The following ZFHX3 variants were observed in gnomAD, a reference collection of about 807,000 sequenced individuals.
The protein encoded by ZFHX3 is zinc finger homeobox 3, also known as zinc finger homeobox protein 3.
In ZFHX3, 42 loss-of-function variants were observed where a neutral mutation model predicts 279.1. The observed-to-expected ratio is 0.15, with a 90% CI of 0.12 to 0.19. The LOEUF is 0.19. Ranked by LOEUF, ZFHX3 falls within the 10% of genes least tolerant of loss-of-function variation. The probability of loss-of-function intolerance (pLI) is 1.00; values close to 1 mark genes in which losing one functional copy is unlikely to be tolerated. For synonymous variants in ZFHX3, 2,293 were observed against 1,957.8 expected, an observed-to-expected ratio of 1.17 and a Z score of -4.52; for missense variants, 4,981 against 4,754.0, an observed-to-expected ratio of 1.05 and a Z score of -1.40.
intron 2 of ZFHX3, among the ~76,000 whole-genome samples, chr16:73,641,196 T>C (rs2052569962): frequency 6.6e-6 from 1 of 152,098 alleles, no homozygotes; most frequent in Non-Finnish European, 1.5e-5. Context: ...ACCAGTGAAG[T>C]ATGCTAACAA....
intron 3 of ZFHX3, among the ~76,000 whole-genome samples, chr16:73,427,081 G>C (rs1335375869): frequency 6.6e-6 from 1 of 151,768 alleles, no homozygotes; most frequent in Admixed American, 6.6e-5. Context: ...GAAAGAGTTA[G>C]GCAGCAATAT....
intron 5 of ZFHX3, among the ~76,000 whole-genome samples, chr16:73,149,199 T>C (rs1966885635): frequency 6.8e-6 from 1 of 147,964 alleles, no homozygotes; most frequent in Non-Finnish European, 1.5e-5. Context: ...TACTTTATAT[T>C]ATATTTTATC....
intron 5 of ZFHX3, among the ~76,000 whole-genome samples, chr16:73,175,392 A>ACAAG (rs1967639549): frequency 6.6e-6 from 1 of 151,282 alleles, no homozygotes; most frequent in Admixed American, 6.6e-5. Context: ...AAACAAACAA[A>ACAAG]CAAACAAACA....
chr16:73,728,974 C>T (rs1049707396), intron 1 of ZFHX3, among the ~76,000 whole-genome samples: 1 of 152,096 alleles, frequency 6.6e-6, no homozygotes, highest in African/African-American at 2.4e-5. Context: ...CACTGCCTTC[C>T]TCCTCTCCTC....
chr16:72,953,400 A>G (rs556111339), intron 2 of ZFHX3, among the ~76,000 whole-genome samples: 1 of 152,300 alleles, frequency 6.6e-6, no homozygotes, highest in East Asian at 1.9e-4. Context: ...AACTGCCCGG[A>G]GGGTAAGACA....
chr16:73,369,127 T>C (rs150196571), intron 3 of ZFHX3, among the ~76,000 whole-genome samples: 28 of 152,348 alleles, frequency 1.8e-4, no homozygotes, highest in Non-Finnish European at 3.7e-4. Context: ...TATTTTCTAT[T>C]GTCATTATTG....
intron 4 of ZFHX3, among the ~76,000 whole-genome samples, chr16:72,845,091 G>C (rs77701645): frequency 0.018 from 2,790 of 152,252 alleles, 135 homozygotes; most frequent in East Asian, 0.14. Context: ...GCGGAAAAGA[G>C]GGCAAGGTGC....
intron 2 of ZFHX3, among the ~76,000 whole-genome samples, chr16:73,477,864 A>G (rs1292958779): frequency 1.3e-5 from 2 of 152,226 alleles, no homozygotes; most frequent in East Asian, 3.8e-4. Context: ...CTGAACTAGC[A>G]TCTCACACAC....
chr16:73,587,771 TATC>T (rs2051942833), intron 2 of ZFHX3, among the ~76,000 whole-genome samples: 1 of 152,238 alleles, frequency 6.6e-6, no homozygotes, highest in South Asian at 2.1e-4. Context: ...AAATGAAATA[TATC>T]ATGTAATAGT....
chr16:72,822,650 A>C (rs2036824363), intron 5 of ZFHX3, among the ~76,000 whole-genome samples: 1 of 152,208 alleles, frequency 6.6e-6, no homozygotes, highest in Non-Finnish European at 1.5e-5. Flanking sequence ...ATAATATGCA[A>C]ATCTATAAGG....
At chr16:73,767,349 G>A (rs1048417769) in intron 1 of ZFHX3, among the ~76,000 whole-genome samples, 5 of 152,250 alleles carry the variant, frequency 3.3e-5, no homozygotes, top group Middle Eastern at 3.4e-3. Context: ...CTCAGCAGAA[G>A]AATCTTCTCT....
chr16:73,070,806 G>T (rs1025942286), intron 8 of ZFHX3, among the ~76,000 whole-genome samples: 1 of 150,466 alleles, frequency 6.6e-6, no homozygotes, highest in Non-Finnish European at 1.5e-5. Flanking sequence ...TCCAGCGCCC[G>T]GTCCCCTCCC....
intron 1 of ZFHX3, among the ~76,000 whole-genome samples, chr16:73,866,661 G>T (rs1004671692): frequency 6.6e-6 from 1 of 152,176 alleles, no homozygotes; most frequent in Non-Finnish European, 1.5e-5. Flanking sequence ...TTTGATTCTT[G>T]GAGTTAATTC....
intron 1 of ZFHX3, among the ~76,000 whole-genome samples, chr16:73,014,083 A>T (rs544183334): frequency 1.3e-5 from 2 of 152,142 alleles, no homozygotes; most frequent in African/African-American, 4.8e-5. Flanking sequence ...CAGGCAGAAG[A>T]AGGAGATGTA....
intron 5 of ZFHX3, among the ~76,000 whole-genome samples, chr16:73,245,887 C>A (rs910516884): frequency 3.3e-5 from 5 of 152,112 alleles, no homozygotes; most frequent in African/African-American, 1.2e-4. Flanking sequence ...ACTTGTCCTG[C>A]CTCTTTAGGT....
intron 2 of ZFHX3, among the ~76,000 whole-genome samples, chr16:73,575,769 C>T (rs117296681): frequency 0.014 from 2,150 of 152,210 alleles, 22 homozygotes; most frequent in Middle Eastern, 0.027. Flanking sequence ...ACTCATGCCG[C>T]GGGGCTGTTA....
Position 72,958,504 on chromosome 16 carries a change from C to G in ZFHX3, c.1642G>C (p.Ala548Pro), listed in dbSNP as rs1961378618. The change falls in exon 2 of 10, where the codon GCT becomes CCT. Residue 548 changes from alanine (A) to proline (P), a missense_variant. Ala to Pro is a conservative substitution (Grantham distance 27, BLOSUM62 -1). Coordinates refer to ENST00000268489, the MANE Select transcript of ZFHX3 (RefSeq NM_006885.4). ...NVLQTLSRGT[A>P]STSSNSASSF... ...GAAGCAGAATTAGAACTAGTAGAAG[C>G]TGTGCCCCTCGACAGGGTCTGGAGC... 1.9e-6 allele frequency: 3 copies of G among 1,614,092 alleles called. No individual in the cohort carries two copies. Among genetic ancestry groups the G allele is most frequent in the African/African-American group, 2.7e-5 (2 of 75,056 alleles).
At chr16:73,195,413 A>ATTTTTTTTTT (rs9302646) in intron 5 of ZFHX3, among the ~76,000 whole-genome samples, 1 of 93,118 alleles carries the variant, frequency 1.1e-5, no homozygotes, top group Non-Finnish European at 2.2e-5. Context: ...TGTCTTTACT[A>ATTTTTTTTTT]TTTTTTTTTT....
In ZFHX3 at chr16:73,531,454, C is replaced by T. The variant is rs2019800659; in HGVS notation, c.-1546-75196G>A. Among the ~76,000 whole-genome samples, 3 of 152,038 alleles carry T rather than the reference C, an allele frequency of 2.0e-5. No homozygotes were observed. In the South Asian group the frequency reaches 6.2e-4, roughly 32 times the overall value. On this transcript the variant is annotated intron_variant, in intron 2 of 17. Transcript: ENST00000641206. ...TCCTGGCCAGGTGTAATGGCTCACT[C>T]CTGTAATTACAGCACTTTAGGAGGA...
Sources: allele counts gnomAD v4.1 joint callset (sites outside exome capture counted in the v4.1 genomes callset), GRCh38; gene constraint gnomAD v4.1.1; transcripts MANE v1.5; gene names NCBI Gene and HGNC (gene_info 2026-07-23, HGNC 2026-07-21).